COL19A1: variants seen among roughly 807,000 people sequenced by gnomAD.
COL19A1 encodes collagen alpha-1(XIX) chain.
COL19A1 carries 159 observed loss-of-function variants against 190.2 expected under a neutral mutation model. The observed-to-expected ratio is 0.84, with a 90% CI of 0.73 to 0.95. The LOEUF (loss-of-function observed/expected upper bound fraction) is 0.95, where lower values mean the gene tolerates loss of function less well. Ranked by LOEUF, COL19A1 falls within the 40% of genes least tolerant of loss-of-function variation. The pLI is 0.00. For missense variants in COL19A1, 1,418 were observed against 1,431.9 expected (o/e 0.99, Z 0.16); for synonymous variants, 509 against 458.9 (o/e 1.11, Z -1.39).
At chr6:70,097,322 T>C (rs1039334398) in intron 15 of COL19A1, among the ~76,000 whole-genome samples, 3 of 152,184 alleles carry the variant, frequency 2.0e-5, no homozygotes, top group Non-Finnish European at 4.4e-5. Flanking sequence ...TGATTTATTT[T>C]ACTTAGTATA....
chr6:70,018,018 T>C (rs1168083769), intron 11 of COL19A1, among the ~76,000 whole-genome samples: 1 of 152,028 alleles, frequency 6.6e-6, no homozygotes, highest in Non-Finnish European at 1.5e-5. Flanking sequence ...AATGACAGGA[T>C]ATAGAAGTGC....
chr6:70,170,732 A>G (rs969460325), intron 40 of COL19A1, among the ~76,000 whole-genome samples: 1 of 152,116 alleles, frequency 6.6e-6, no homozygotes, highest in Non-Finnish European at 1.5e-5. Flanking sequence ...GTTACATATT[A>G]GGGGACATTT....
intron 6 of COL19A1, among the ~76,000 whole-genome samples, chr6:69,931,953 G>A (rs1772789394): frequency 6.6e-6 from 1 of 151,918 alleles, no homozygotes; most frequent in African/African-American, 2.4e-5. Context: ...TTAGAGTTGG[G>A]TCTTTCTGTA....
chr6:70,034,414 G>A, intron 13 of COL19A1, 116 bp downstream of exon 13: 2 of 762,222 alleles, frequency 2.6e-6, no homozygotes, highest in Non-Finnish European at 4.6e-6. Context: ...TTAACCAAAA[G>A]CTGTTACCTT....
chr6:70,106,041 T>G (rs1783939498), intron 16 of COL19A1, among the ~76,000 whole-genome samples: 1 of 152,178 alleles, frequency 6.6e-6, no homozygotes, highest in Non-Finnish European at 1.5e-5. Context: ...AATAACAGCA[T>G]ACTTTATAAG....
chr6:70,154,095 T>G (rs996552118), intron 31 of COL19A1, among the ~76,000 whole-genome samples: 136 of 151,578 alleles, frequency 9.0e-4, no homozygotes, highest in African/African-American at 3.1e-3. Context: ...CTCCTAATGC[T>G]ATCCCTCCCC....
At chr6:69,992,488 A>G (rs1186546435) in intron 11 of COL19A1, among the ~76,000 whole-genome samples, 2 of 152,148 alleles carry the variant, frequency 1.3e-5, no homozygotes, top group Non-Finnish European at 2.9e-5. Flanking sequence ...AAAAAGAAAA[A>G]AAAATGTTGT....
In COL19A1 at chr6:70,125,584, G is replaced by GA. The variant is rs1315416958; in HGVS notation, c.1341+3651dup. 2.7e-3 allele frequency among the ~76,000 whole-genome samples: 400 copies of GA among 147,122 alleles called. 1 individual carries two copies. The highest frequency in any genetic ancestry group is 9.3e-3 in the African/African-American group (370 of 39,872). ...ACAAATCCAAAAAGGGATGGAGAAG[G>GA]AAAAAAAAAGCAAATGAGGAAGAAA... On this transcript the variant is annotated intron_variant, in intron 17 of 50. Coordinates refer to ENST00000620364, the MANE Select transcript of COL19A1 (RefSeq NM_001858.6).
At chr6:70,036,900 C>A (rs1207177344) in intron 14 of COL19A1, among the ~76,000 whole-genome samples, 1 of 151,964 alleles carries the variant, frequency 6.6e-6, no homozygotes, top group Non-Finnish European at 1.5e-5. Flanking sequence ...TATCTTTGTA[C>A]TTAAAAATCC....
rs942615753 is a variant in COL19A1, at chr6:70,083,066, T to C, written c.1224+14590T>C. Among the ~76,000 whole-genome samples the C allele has an allele frequency of 7.2e-5, 11 of 152,232 alleles. No individual in the cohort carries two copies. The East Asian group carries it at 1.7e-3, about 24-fold the overall frequency. On this transcript the variant is annotated intron_variant, in intron 15 of 50. Coordinates refer to ENST00000620364, the MANE Select transcript of COL19A1 (RefSeq NM_001858.6). ...CCGGTACCAGCCTGGGGCCTGGGGGTTGGGGACCCCTGCCCTATAAGAAAT... is the reference window on the plus strand; with the variant it reads ...CCGGTACCAGCCTGGGGCCTGGGGGCTGGGGACCCCTGCCCTATAAGAAAT...
Position 70,039,054 on chromosome 6 carries a change from C to T in COL19A1, c.1170+3115C>T, listed in dbSNP as rs557202865. Among the ~76,000 whole-genome samples, 57 of 149,352 alleles carry T rather than the reference C, an allele frequency of 3.8e-4. 1 individual carries two copies. Among genetic ancestry groups the T allele is most frequent in the Admixed American group, 3.1e-3 (47 of 15,056 alleles). On this transcript the variant is annotated intron_variant, in intron 14 of 50. Coordinates refer to ENST00000620364, the MANE Select transcript of COL19A1 (RefSeq NM_001858.6). The stretch of plus-strand genomic sequence containing the variant: ...AGCTGGAGACAGAGCAAGACTCCGT[C>T]TGAAAAAAAAAAAAAGATTAATGGT...
At chr6:70,065,894 C>CA (rs1178377597) in intron 14 of COL19A1, among the ~76,000 whole-genome samples, 1 of 152,174 alleles carries the variant, frequency 6.6e-6, no homozygotes, top group Non-Finnish European at 1.5e-5. Context: ...AAATGCAAAT[C>CA]AAAACCACAA....
At chr6:70,046,653 G>T (rs993866909) in intron 14 of COL19A1, among the ~76,000 whole-genome samples, 3 of 149,700 alleles carry the variant, frequency 2.0e-5, no homozygotes, top group African/African-American at 7.5e-5. Context: ...CCTGTGATTT[G>T]TCTAATGATT....
rs555383340 is a variant in COL19A1, at chr6:69,984,237, A to G, written c.1026+21367A>G. Among the ~76,000 whole-genome samples, 215 of 152,218 alleles carry G rather than the reference A, an allele frequency of 1.4e-3. 2 individuals are homozygous for G. The South Asian group carries it at 0.015, about 10-fold the overall frequency. Reference sequence around the variant, plus strand: ...GTTTCTATTTCTGCAGTCAGTGTCTATTGATTTCCTTCCCTAGAATGGCTG... The same window carrying G: ...GTTTCTATTTCTGCAGTCAGTGTCTGTTGATTTCCTTCCCTAGAATGGCTG... On this transcript the variant is annotated intron_variant, in intron 11 of 50. Transcript: ENST00000620364.
At chr6:70,036,090 A>G (rs529363569) in intron 14 of COL19A1, 151 bp downstream of exon 14, 12 of 709,174 alleles carry the variant, frequency 1.7e-5, no homozygotes, top group South Asian at 1.4e-4. Context: ...CATTTTAAAG[A>G]TGGGGCATCT....
Position 69,926,086 on chromosome 6 carries a change from C to T in COL19A1, c.267-1823C>T, listed in dbSNP as rs1251162425. ...AATTGAATACCCTTTATTTCTTTCT[C>T]CTGCATGATTGCCCTGGCCAGAACT... On this transcript the variant is annotated intron_variant, in intron 4 of 50. Transcript: ENST00000620364. Among the ~76,000 whole-genome samples the T allele has an allele frequency of 1.2e-4, 19 of 152,212 alleles. 1 individual carries two copies. In the South Asian group the frequency reaches 3.5e-3, roughly 28 times the overall value.
chr6:70,098,598 G>T (rs1055399715), intron 15 of COL19A1: 4 of 418,614 alleles, frequency 9.6e-6, no homozygotes, highest in Non-Finnish European at 1.8e-5. Flanking sequence ...GACTTCTGAA[G>T]GTGGCAGGCC....
intron 9 of COL19A1, among the ~76,000 whole-genome samples, chr6:69,945,032 C>T (rs572184885): frequency 6.6e-6 from 1 of 152,014 alleles, no homozygotes; most frequent in Non-Finnish European, 1.5e-5. Context: ...TTCTTTAAGA[C>T]CCTTGTTAAT....
At chr6:69,950,383 A>G (rs1043158063) in intron 9 of COL19A1, among the ~76,000 whole-genome samples, 2 of 151,874 alleles carry the variant, frequency 1.3e-5, no homozygotes, top group Admixed American at 6.6e-5. Flanking sequence ...GACATTCTTA[A>G]TCTAATATTA....
Sources: gnomAD v4.1 joint callset for allele counts (sites outside exome capture counted in the v4.1 genomes callset) on GRCh38, gnomAD v4.1.1 for gene constraint, MANE v1.5 for transcripts, NCBI Gene and HGNC (gene_info 2026-07-23, HGNC 2026-07-21) for gene names.